Variants in GRIK3 observed in about 807,000 individuals in gnomAD.
GRIK3 encodes glutamate ionotropic receptor kainate type subunit 3.
A neutral mutation model predicts 102.5 loss-of-function variants in GRIK3; 29 were observed. The observed-to-expected ratio is 0.28, with a 90% CI of 0.21 to 0.39. The LOEUF is 0.39. Among genes scored for constraint, GRIK3 ranks in the 10% least tolerant of loss-of-function variants. GRIK3 has a pLI of 1.00. For synonymous variants in GRIK3, 511 were observed against 504.9 expected, an observed-to-expected ratio of 1.01 and a Z score of -0.16; for missense variants, 908 against 1,252.4, an observed-to-expected ratio of 0.73 and a Z score of 4.15.
intron 1 of GRIK3, among the ~76,000 whole-genome samples, chr1:36,938,072 G>C (rs1443022522): frequency 6.6e-6 from 1 of 152,226 alleles, no homozygotes; most frequent in Non-Finnish European, 1.5e-5. Flanking sequence ...TGCCCTTCAG[G>C]CACTCATGGA....
In GRIK3 at chr1:36,808,245, C is replaced by T. The variant is rs1353714190; in HGVS notation, c.2092-1919G>A. On this transcript the variant is annotated intron_variant, in intron 13 of 15. Coordinates refer to ENST00000373091, the MANE Select transcript of GRIK3 (RefSeq NM_000831.4). ...TTACTCCCTCTGTTCCTTTCTTACT[C>T]TGCTACGCTGTCTCCCCAGATTCTC... 3.3e-5 allele frequency among the ~76,000 whole-genome samples: 5 copies of T among 152,366 alleles called. No homozygotes were observed. The East Asian group carries it at 9.6e-4, about 29-fold the overall frequency.
chr1:36,807,546 G>A (rs1164592949), intron 13 of GRIK3, among the ~76,000 whole-genome samples: 1 of 152,186 alleles, frequency 6.6e-6, no homozygotes, highest in African/African-American at 2.4e-5. Context: ...GCGCAGGACT[G>A]GGGCATGGGC....
At chr1:36,886,244 G>A (rs1347356815) in intron 2 of GRIK3, among the ~76,000 whole-genome samples, 2 of 152,194 alleles carry the variant, frequency 1.3e-5, no homozygotes, top group African/African-American at 4.8e-5. Context: ...TGGCAGGGCA[G>A]GTGGTGCCAG....
At chr1:37,015,462 A>C (rs548733145) in intron 1 of GRIK3, among the ~76,000 whole-genome samples, 1 of 152,342 alleles carries the variant, frequency 6.6e-6, no homozygotes, top group African/African-American at 2.4e-5. Context: ...GCAGAATAAT[A>C]AAATCTCAGG....
chr1:36,993,744 G>A lies in GRIK3; in HGVS notation c.115+40250C>T, dbSNP rs1459038573. On this transcript the variant is annotated intron_variant, in intron 1 of 15. Transcript: ENST00000373091. ...AGCACCTGCTTTTAGGATTGCCTCA[G>A]CTAAAGAAAACTCACCCAAGGTCAT... is the stretch of plus-strand genomic sequence containing the variant. Among the ~76,000 whole-genome samples the A allele has an allele frequency of 7.9e-5, 12 of 152,300 alleles. No individual in the cohort carries two copies. In the East Asian group the frequency reaches 2.1e-3, roughly 27 times the overall value.
chr1:36,994,650 C>T (rs527783123), intron 1 of GRIK3, among the ~76,000 whole-genome samples: 14 of 152,292 alleles, frequency 9.2e-5, no homozygotes, highest in Admixed American at 7.2e-4. Context: ...TGGCTGTGGC[C>T]TCTCCCATGC....
At chr1:36,835,304 G>T (rs1279282342) in intron 10 of GRIK3, among the ~76,000 whole-genome samples, 1 of 152,260 alleles carries the variant, frequency 6.6e-6, no homozygotes, top group African/African-American at 2.4e-5. Context: ...AGACGCTGCT[G>T]CAAGATCCCA....
chr1:36,920,010 G>A (rs563038778), intron 1 of GRIK3, among the ~76,000 whole-genome samples: 20 of 152,336 alleles, frequency 1.3e-4, no homozygotes, highest in African/African-American at 3.4e-4. Context: ...AAAGCAAAGT[G>A]TGTGTCCCAC....
In GRIK3 at chr1:36,825,723, C is replaced by T. The variant is rs754997755; in HGVS notation, c.1634G>A (p.Arg545Gln). The change falls in exon 11 of 16, where the codon CGA (arginine) becomes CAA (glutamine). Residue 545 changes from arginine (R) to glutamine (Q), a missense_variant. Arg to Gln is a conservative substitution (Grantham distance 43). Coordinates refer to ENST00000373091, the MANE Select transcript of GRIK3 (RefSeq NM_000831.4). Reference protein sequence around the residue: ...FMTLGVSILYRKPNGTNPSVF... With the variant: ...FMTLGVSILYQKPNGTNPSVF... ...GCTGGGGTTGGTGCCATTGGGCTTT[C>T]GATACAGGATGCTCACACCAAGTGT... 9 of 1,613,862 alleles carry T rather than the reference C, an allele frequency of 5.6e-6. No individual in the cohort carries two copies. Among genetic ancestry groups the T allele is most frequent in the Non-Finnish European group, 7.6e-6 (9 of 1,179,892 alleles).
chr1:36,869,906 C>A, intron 4 of GRIK3, 105 bp from the exon 5 acceptor site: 1 of 801,770 alleles, frequency 1.2e-6, no homozygotes, highest in East Asian at 2.5e-5. Flanking sequence ...TTGGGGAAGG[C>A]TGGCTGCTTG....
At chr1:36,874,247 T>C (rs961834722) in intron 3 of GRIK3, among the ~76,000 whole-genome samples, 3 of 152,220 alleles carry the variant, frequency 2.0e-5, no homozygotes, top group Non-Finnish European at 4.4e-5. Context: ...ATTATTCTCA[T>C]TCCTGAGGGC....
chr1:36,828,054 G>T (rs1642773661), intron 10 of GRIK3, among the ~76,000 whole-genome samples: 1 of 149,434 alleles, frequency 6.7e-6, no homozygotes, highest in South Asian at 2.2e-4. Flanking sequence ...TCAGTTCAGG[G>T]TATATACAAA....
chr1:37,002,971 G>A (rs1177397609), intron 1 of GRIK3, among the ~76,000 whole-genome samples: 2 of 150,844 alleles, frequency 1.3e-5, no homozygotes, highest in African/African-American at 4.9e-5. Flanking sequence ...TTCACATAAA[G>A]CTCCAGATAA....
At chr1:36,883,083 T>C (rs923521673) in intron 2 of GRIK3, among the ~76,000 whole-genome samples, 3 of 152,134 alleles carry the variant, frequency 2.0e-5, no homozygotes, top group Non-Finnish European at 4.4e-5. Flanking sequence ...GGCCTGGCTG[T>C]CTCAAGGGCC....
intron 7 of GRIK3, among the ~76,000 whole-genome samples, chr1:36,854,821 C>T (rs1640632132): frequency 6.6e-6 from 1 of 152,182 alleles, no homozygotes; most frequent in Admixed American, 6.5e-5. Flanking sequence ...TCCACAGCAG[C>T]CATGGGAGGT....
intron 10 of GRIK3, among the ~76,000 whole-genome samples, chr1:36,832,196 C>T (rs959591567): frequency 6.6e-6 from 1 of 152,236 alleles, no homozygotes; most frequent in Admixed American, 6.5e-5. Flanking sequence ...ACCACGAGCT[C>T]AGGAGAGTGA....
At chr1:36,817,612 T>A (rs1642645812) in intron 12 of GRIK3, among the ~76,000 whole-genome samples, 1 of 152,218 alleles carries the variant, frequency 6.6e-6, no homozygotes, top group Non-Finnish European at 1.5e-5. Flanking sequence ...CATTCACATT[T>A]CACAGGCTCA....
chr1:36,854,755 C>T (rs558084055), intron 7 of GRIK3, among the ~76,000 whole-genome samples: 45 of 152,300 alleles, frequency 3.0e-4, no homozygotes, highest in South Asian at 1.7e-3. Context: ...ATCTTTCCTG[C>T]GGGCTGAGAG....
intron 1 of GRIK3, among the ~76,000 whole-genome samples, chr1:36,937,272 T>G (rs779489225): frequency 2.6e-5 from 4 of 151,856 alleles, no homozygotes; most frequent in Non-Finnish European, 4.4e-5. Flanking sequence ...CGCCCTCGAG[T>G]GAACAACAAG....
Sources: allele counts gnomAD v4.1 joint callset (sites outside exome capture counted in the v4.1 genomes callset), GRCh38; gene constraint gnomAD v4.1.1; transcripts MANE v1.5; gene names NCBI Gene and HGNC (gene_info 2026-07-23, HGNC 2026-07-21).